Variants in ZFAT observed in about 807,000 individuals in gnomAD.
ZFAT encodes zinc finger protein ZFAT.
ZFAT carries 64 observed loss-of-function variants against 117.7 expected under a neutral mutation model. That is an observed-to-expected ratio of 0.54 (90% CI 0.44 to 0.67). The LOEUF (loss-of-function observed/expected upper bound fraction) is 0.67. Ranked by LOEUF, ZFAT falls within the 30% of genes least tolerant of loss-of-function variation. The probability of loss-of-function intolerance (pLI) is 0.00; values close to 1 mark genes in which losing one functional copy is unlikely to be tolerated. For missense variants in ZFAT, 1,433 were observed against 1,584.5 expected (o/e 0.90, Z 1.62); for synonymous variants, 679 against 615.0 (o/e 1.10, Z -1.54).
the ZFAT span, among the ~76,000 whole-genome samples, chr8:134,731,328 GAGA>G: frequency 6.6e-6 from 1 of 152,216 alleles, no homozygotes; most frequent in Non-Finnish European, 1.5e-5. Flanking sequence ...AGCCCCAAGT[GAGA>G]AACTACCCAA....
the ZFAT span, among the ~76,000 whole-genome samples, chr8:134,826,357 CTTTT>C: frequency 1.3e-5 from 2 of 152,238 alleles, no homozygotes; most frequent in South Asian, 2.1e-4. Context: ...AACAAAACAA[CTTTT>C]TTCTTTTAGA....
intron 15 of ZFAT, among the ~76,000 whole-genome samples, chr8:134,504,980 C>T (rs2130313082): frequency 6.6e-6 from 1 of 152,294 alleles, no homozygotes; most frequent in East Asian, 1.9e-4. Flanking sequence ...TACACGGGCC[C>T]CTGGTGCTCC....
rs572379482 is a variant in ZFAT at position 134,656,709 on chromosome 8, A to G, written c.196+852T>C. Among the ~76,000 whole-genome samples the G allele has an allele frequency of 2.0e-5, 3 of 152,318 alleles. No individual in the cohort carries two copies. The East Asian group carries it at 5.8e-4, about 29-fold the overall frequency. Reference sequence around the variant, plus strand: ...AGCCAGTGGATTATTAGTGTGGCTGATGAACTCTGCAATGGGACACTGACT... The same window carrying G: ...AGCCAGTGGATTATTAGTGTGGCTGGTGAACTCTGCAATGGGACACTGACT... On this transcript the variant is annotated intron_variant, in intron 2 of 15. Transcript: ENST00000377838.
intron 1 of ZFAT, among the ~76,000 whole-genome samples, chr8:134,676,888 T>C (rs943626109): frequency 2.0e-5 from 3 of 152,140 alleles, no homozygotes; most frequent in African/African-American, 7.2e-5. Context: ...AAGATGTTCT[T>C]TGAAACCAAT....
At chr8:134,520,825 C>T in intron 13 of ZFAT, 58 bp downstream of exon 13, 1 of 1,419,402 alleles carries the variant, frequency 7.0e-7, no homozygotes, top group Admixed American at 1.8e-5. Flanking sequence ...TTGGGTTTGC[C>T]TGGTTTGTCA....
At chr8:134,676,588 A>C (rs1832817118) in intron 1 of ZFAT, among the ~76,000 whole-genome samples, 1 of 152,240 alleles carries the variant, frequency 6.6e-6, no homozygotes. Flanking sequence ...GCTCTGGGCC[A>C]AGCTGACCTA....
chr8:134,488,351 C>A (rs1586563450), intron 15 of ZFAT, among the ~76,000 whole-genome samples: 1 of 152,332 alleles, frequency 6.6e-6, no homozygotes, highest in South Asian at 2.1e-4. Context: ...AAGGCCAGTG[C>A]TTGTGCTGAG....
At position 134,608,845 on chromosome 8, in the gene ZFAT, G is replaced by C. The variant is rs746181115; in HGVS notation, c.669C>G (p.Pro223=). 1 of 1,610,114 alleles carries C rather than the reference G, an allele frequency of 6.2e-7. No individual in the cohort carries two copies. Among genetic ancestry groups the C allele is most frequent in the South Asian group, 1.1e-5 (1 of 90,180 alleles). ...ATKIVPVEAG[P]PETGATNSET... The stretch of plus-strand genomic sequence containing the variant: ...CAGAATTTGTAGCTCCTGTTTCAGG[G>C]GGCCCAGCCTCCACTGGCACAATCT... Residue 223 remains proline (P), a synonymous_variant, in exon 5 of 16, where the codon CCC becomes CCG. Transcript: ENST00000377838.
At chr8:134,531,407 C>T (rs986585984) in intron 12 of ZFAT, among the ~76,000 whole-genome samples, 2 of 152,142 alleles carry the variant, frequency 1.3e-5, no homozygotes, top group Non-Finnish European at 2.9e-5. Flanking sequence ...GGGGCATTGG[C>T]GTGGGTCATA....
the ZFAT span, among the ~76,000 whole-genome samples, chr8:134,805,116 C>A: frequency 1.3e-5 from 2 of 152,306 alleles, no homozygotes; most frequent in African/African-American, 4.8e-5. Context: ...TCACCAAGTG[C>A]AATTTCTCCT....
chr8:134,717,275 G>A (rs1814221671), upstream of ZFAT, among the ~76,000 whole-genome samples: 1 of 151,530 alleles, frequency 6.6e-6, no homozygotes, highest in African/African-American at 2.4e-5. Flanking sequence ...GTTGAAAATG[G>A]TCTGAGGGAG....
At chr8:134,738,754 C>T in the ZFAT span, among the ~76,000 whole-genome samples, 7 of 152,076 alleles carry the variant, frequency 4.6e-5, no homozygotes, top group African/African-American at 1.7e-4. Flanking sequence ...TAGCAGGAAG[C>T]AGAGGGGCTG....
the ZFAT span, among the ~76,000 whole-genome samples, chr8:134,813,659 C>A: frequency 6.6e-6 from 1 of 152,182 alleles, no homozygotes; most frequent in Admixed American, 6.5e-5. Context: ...AGTTGATCCA[C>A]CTGCCTCAGC....
At chr8:134,489,882 C>T (rs181149263) in intron 15 of ZFAT, among the ~76,000 whole-genome samples, 2 of 152,282 alleles carry the variant, frequency 1.3e-5, no homozygotes, top group African/African-American at 4.8e-5. Context: ...CTGCTCCTCC[C>T]TCCTGTCCTC....
At chr8:134,504,644 A>G (rs1178198097) in intron 15 of ZFAT, among the ~76,000 whole-genome samples, 3 of 152,236 alleles carry the variant, frequency 2.0e-5, no homozygotes, top group Non-Finnish European at 4.4e-5. Flanking sequence ...CAAGAGGGTA[A>G]CATAGGTCAG....
At chr8:134,622,985 C>G (rs540399229) in intron 3 of ZFAT, among the ~76,000 whole-genome samples, 2 of 152,270 alleles carry the variant, frequency 1.3e-5, no homozygotes, top group East Asian at 3.9e-4. Context: ...TACAAAGGGT[C>G]TCTTCCTTAG....
rs560105201 is a variant in ZFAT, at chr8:134,635,125, C to T, written c.448+2336G>A. On this transcript the variant is annotated intron_variant, in intron 3 of 15. Transcript: ENST00000377838. ...CTGTGCAGCCTGGTTCCTAACAGGC[C>T]ACAGACCCGTACAAACCTGCGGCCC... Among the ~76,000 whole-genome samples the T allele has an allele frequency of 7.2e-5, 11 of 152,246 alleles. No homozygotes were observed. The South Asian group carries it at 2.1e-3, about 29-fold the overall frequency.
the ZFAT span, among the ~76,000 whole-genome samples, chr8:134,770,937 T>A: frequency 7.2e-6 from 1 of 138,852 alleles, no homozygotes; most frequent in Non-Finnish European, 1.5e-5. Flanking sequence ...GTCAGACCGA[T>A]TGATCTCAAA....
chr8:134,478,497 C>T lies in ZFAT; in HGVS notation c.3717G>A (p.Pro1239=), dbSNP rs143856467. 112 of 1,572,756 alleles carry T rather than the reference C, an allele frequency of 7.1e-5. No individual in the cohort carries two copies. The East Asian group carries it at 2.4e-3, about 34-fold the overall frequency. The change falls in exon 16 of 16, where the codon CCG becomes CCA. Residue 1239 remains proline (P), a synonymous_variant. Transcript: ENST00000377838. The surrounding 1 kb of genome is among the most constrained non-coding windows in gnomAD (Gnocchi z 5.2). The part of the protein sequence containing the change: ...QPVEEQAVEQ[P]AQEL ...CACATGTCCTCTAGAGTTCCTGGGC[C>T]GGCTGCTCCACAGCCTGCTCCTCCA...
Sources: allele counts gnomAD v4.1 joint callset (sites outside exome capture counted in the v4.1 genomes callset), GRCh38; gene constraint gnomAD v4.1.1; non-coding constraint Gnocchi (gnomAD v3.1); transcripts MANE v1.5; gene names NCBI Gene and HGNC (gene_info 2026-07-23, HGNC 2026-07-21).